The following CREB5 variants were observed in gnomAD, a reference collection of about 807,000 sequenced individuals.
CREB5 encodes the protein cAMP responsive element binding protein 5.
Under a neutral mutation model 57.1 loss-of-function variants are expected in CREB5, and 19 were observed. The observed-to-expected ratio is 0.33, with a 90% CI of 0.23 to 0.49. The LOEUF is 0.49. Ranked by LOEUF, CREB5 falls within the 20% of genes least tolerant of loss-of-function variation. CREB5 has a pLI of 0.99. For missense variants in CREB5, 579 were observed against 671.6 expected, an observed-to-expected ratio of 0.86 and a Z score of 1.52; for synonymous variants, 238 against 238.3, an observed-to-expected ratio of 1.00 and a Z score of 0.01.
chr7:28,408,097 G>A (rs1276250282), upstream of CREB5, among the ~76,000 whole-genome samples: 3 of 152,160 alleles, frequency 2.0e-5, no homozygotes, highest in Non-Finnish European at 2.9e-5. Context: ...GAGCCCAGTT[G>A]GGATCTGGGC....
chr7:28,458,963 A>C (rs751344703), intron 1 of CREB5, among the ~76,000 whole-genome samples: 1 of 152,154 alleles, frequency 6.6e-6, no homozygotes, highest in African/African-American at 2.4e-5. Flanking sequence ...TCCCTGAGTG[A>C]TGAGATTCTT....
chr7:28,463,214 C>T (rs943905351), intron 1 of CREB5, among the ~76,000 whole-genome samples: 6 of 152,052 alleles, frequency 3.9e-5, no homozygotes, highest in African/African-American at 1.4e-4. Context: ...ATGATCTTGG[C>T]ATCCTTCTTG....
chr7:28,708,867 C>T (rs113048920), intron 5 of CREB5, among the ~76,000 whole-genome samples: 37 of 152,120 alleles, frequency 2.4e-4, no homozygotes, highest in African/African-American at 4.1e-4. Flanking sequence ...CAGGCAAGTG[C>T]GCCAGTGAAT....
At chr7:28,398,399 C>G (rs559312019) in intron 1 of CREB5, among the ~76,000 whole-genome samples, 2 of 152,254 alleles carry the variant, frequency 1.3e-5, no homozygotes, top group East Asian at 3.9e-4. Flanking sequence ...CACTTACTAG[C>G]CTGCGGGTAG....
intron 5 of CREB5, among the ~76,000 whole-genome samples, chr7:28,608,625 C>T (rs1797264028): frequency 6.6e-6 from 1 of 152,126 alleles, no homozygotes; most frequent in African/African-American, 2.4e-5. Flanking sequence ...GGCTAAAGTC[C>T]AAGGCATAAG....
At chr7:28,439,473 C>T (rs1194263160) in intron 1 of CREB5, among the ~76,000 whole-genome samples, 1 of 152,104 alleles carries the variant, frequency 6.6e-6, no homozygotes, top group Non-Finnish European at 1.5e-5. Flanking sequence ...CCTATAATAG[C>T]CAGTTAAGAC....
rs553093105 is a variant in CREB5, at chr7:28,624,664, G to A, written c.464+54127G>A. Among the ~76,000 whole-genome samples, 3 of 123,124 alleles carry A rather than the reference G, an allele frequency of 2.4e-5. No individual in the cohort carries two copies. In the South Asian group the frequency reaches 8.6e-4, roughly 35 times the overall value. The allele number at this position is 123,124 out of a possible 152,430, so 80.8% of individuals were successfully genotyped here. A position where few individuals can be genotyped will look rare whatever the true frequency, so the allele number is the denominator to read the frequency against. ...ATTGTACTTCGTTTTTCCTTGTTCC[G>A]CCAACAGACGTGAAAAAAAAAAAAA... On this transcript the variant is annotated intron_variant, in intron 5 of 10. Transcript: ENST00000357727.
intron 7 of CREB5, among the ~76,000 whole-genome samples, chr7:28,800,514 G>A (rs1472263312): frequency 1.3e-5 from 2 of 152,340 alleles, no homozygotes; most frequent in East Asian, 3.9e-4. Flanking sequence ...AGCCAAGGGT[G>A]AGGAAGTAGA....
At chr7:28,741,547 T>G (rs1463585115) in intron 7 of CREB5, among the ~76,000 whole-genome samples, 2 of 152,210 alleles carry the variant, frequency 1.3e-5, no homozygotes, top group Non-Finnish European at 2.9e-5. Context: ...GAGATGTGTT[T>G]CTTTCCTTTG....
chr7:28,636,007 G>T (rs1355776831), intron 5 of CREB5, among the ~76,000 whole-genome samples: 1 of 152,206 alleles, frequency 6.6e-6, no homozygotes, highest in African/African-American at 2.4e-5. Flanking sequence ...CCAATAAATA[G>T]TTATTGAGCC....
intron 4 of CREB5, among the ~76,000 whole-genome samples, chr7:28,553,452 A>G (rs1048227039): frequency 2.5e-4 from 38 of 152,206 alleles, no homozygotes; most frequent in African/African-American, 8.9e-4. Flanking sequence ...AAGGAAATCA[A>G]TTTGCACCCC....
intron 5 of CREB5, among the ~76,000 whole-genome samples, chr7:28,683,668 G>A (rs939780211): frequency 1.3e-5 from 2 of 152,080 alleles, no homozygotes; most frequent in East Asian, 1.9e-4. Flanking sequence ...TGATGCTGGC[G>A]GGTCTCATCT....
At chr7:28,612,911 C>T (rs942258550) in intron 5 of CREB5, among the ~76,000 whole-genome samples, 1 of 152,088 alleles carries the variant, frequency 6.6e-6, no homozygotes, top group Admixed American at 6.6e-5. Flanking sequence ...CATTTTTGTA[C>T]TTATCCCTTC....
At chr7:28,614,045 G>A (rs1797505148) in intron 5 of CREB5, among the ~76,000 whole-genome samples, 1 of 152,118 alleles carries the variant, frequency 6.6e-6, no homozygotes, top group African/African-American at 2.4e-5. Flanking sequence ...TGCGGTCTTT[G>A]AACTACCAGC....
rs562988840 is a variant in CREB5, at chr7:28,413,949, G to C, written c.3+1032G>C. On this transcript the variant is annotated intron_variant, in intron 1 of 10. Coordinates refer to ENST00000357727, the MANE Select transcript of CREB5 (RefSeq NM_182898.4). ...ATTTCTTACTATAATCTACTTTTTA[G>C]CAATGAGGTATCACAATCCTATAAT... Among the ~76,000 whole-genome samples, 6 of 151,992 alleles carry C rather than the reference G, an allele frequency of 3.9e-5. No homozygotes were observed. In the South Asian group the frequency reaches 1.2e-3, roughly 32 times the overall value.
At chr7:28,458,086 C>CG (rs369461716) in intron 1 of CREB5, among the ~76,000 whole-genome samples, 1 of 152,166 alleles carries the variant, frequency 6.6e-6, no homozygotes, top group South Asian at 2.1e-4. Context: ...GGCTCAGAAA[C>CG]GGGGGGCCAA....
intron 5 of CREB5, among the ~76,000 whole-genome samples, chr7:28,640,722 A>G (rs1798622512): frequency 6.6e-6 from 1 of 152,134 alleles, no homozygotes; most frequent in Admixed American, 6.5e-5. Context: ...TTAAAATTAC[A>G]CACCTCCTGC....
intron 1 of CREB5, among the ~76,000 whole-genome samples, chr7:28,449,823 C>T (rs1438426364): frequency 1.3e-5 from 2 of 152,160 alleles, no homozygotes; most frequent in South Asian, 2.1e-4. Context: ...AATTGTTTGA[C>T]CAAGGTTGAT....
At chr7:28,375,613 CAG>C (rs1290238546) in intron 1 of CREB5, among the ~76,000 whole-genome samples, 1 of 150,008 alleles carries the variant, frequency 6.7e-6, no homozygotes, top group Non-Finnish European at 1.5e-5. Context: ...GAAAAAAAAA[CAG>C]ATTTCTTCAG....
Sources: gnomAD v4.1 joint callset for allele counts (sites outside exome capture counted in the v4.1 genomes callset) on GRCh38, gnomAD v4.1.1 for gene constraint, MANE v1.5 for transcripts, NCBI Gene and HGNC (gene_info 2026-07-23, HGNC 2026-07-21) for gene names.